MEMO1: variants seen among roughly 807,000 people sequenced by gnomAD.
MEMO1 encodes the protein protein MEMO1.
Under a neutral mutation model 45.2 loss-of-function variants are expected in MEMO1, and 6 were observed. The observed-to-expected ratio is 0.13, with a 90% confidence interval of 0.07 to 0.26. The LOEUF (loss-of-function observed/expected upper bound fraction) is 0.26. MEMO1 is among the 10% of genes least tolerant of loss of function. MEMO1 has a pLI of 1.00. For missense variants in MEMO1, 184 were observed against 370.5 expected, an observed-to-expected ratio of 0.50 and a Z score of 4.13; for synonymous variants, 78 against 124.3, an observed-to-expected ratio of 0.63 and a Z score of 2.48.
At chr2:32,009,365 C>A (rs1572973135) in intron 2 of MEMO1, among the ~76,000 whole-genome samples, 2 of 152,156 alleles carry the variant, frequency 1.3e-5, no homozygotes, top group South Asian at 2.1e-4. Context: ...AGCTGGGAGC[C>A]CCCCCACCCC....
At chr2:32,001,940 G>T (rs1673368557) in intron 2 of MEMO1, among the ~76,000 whole-genome samples, 1 of 151,738 alleles carries the variant, frequency 6.6e-6, no homozygotes, top group South Asian at 2.1e-4. Context: ...AAGGTCAGGA[G>T]ATCAAGACCA....
chr2:31,893,585 G>A (rs1677271594), intron 6 of MEMO1, among the ~76,000 whole-genome samples: 1 of 152,148 alleles, frequency 6.6e-6, no homozygotes, highest in Non-Finnish European at 1.5e-5. Flanking sequence ...AAAGAACAAG[G>A]AGAAACCAGA....
intron 2 of MEMO1, among the ~76,000 whole-genome samples, chr2:31,985,201 A>G (rs1671119336): frequency 6.6e-6 from 1 of 152,224 alleles, no homozygotes. Flanking sequence ...AGAAAATAAG[A>G]GATATGTATT....
intron 2 of MEMO1, among the ~76,000 whole-genome samples, chr2:31,994,696 C>T (rs1232919872): frequency 6.6e-6 from 1 of 152,060 alleles, no homozygotes; most frequent in African/African-American, 2.4e-5. Flanking sequence ...TGCCTATAAT[C>T]CCAGCCTTTG....
chr2:31,911,706 A>G (rs1458493461), intron 6 of MEMO1, among the ~76,000 whole-genome samples: 2 of 152,196 alleles, frequency 1.3e-5, no homozygotes, highest in South Asian at 2.1e-4. Context: ...ATGGATAAAC[A>G]TAACAGATGA....
At chr2:31,962,098 A>C (rs1258256135) in intron 2 of MEMO1, among the ~76,000 whole-genome samples, 1 of 152,126 alleles carries the variant, frequency 6.6e-6, no homozygotes, top group Non-Finnish European at 1.5e-5. Flanking sequence ...TCAGGTTGAT[A>C]CAAAGAATGG....
intron 3 of MEMO1, among the ~76,000 whole-genome samples, chr2:31,936,596 T>C (rs1224600270): frequency 6.6e-6 from 1 of 152,208 alleles, no homozygotes; most frequent in Non-Finnish European, 1.5e-5. Context: ...GAACATTTAC[T>C]GGTTATGTGA....
chr2:31,890,240 T>C (rs1445234054), intron 7 of MEMO1, among the ~76,000 whole-genome samples: 2 of 152,070 alleles, frequency 1.3e-5, no homozygotes, highest in Admixed American at 1.3e-4. Context: ...AAAGCCCAGG[T>C]TCTAAAAAAT....
intron 6 of MEMO1, among the ~76,000 whole-genome samples, chr2:31,911,919 G>T (rs1175940816): frequency 6.6e-6 from 1 of 152,090 alleles, no homozygotes; most frequent in Non-Finnish European, 1.5e-5. Flanking sequence ...GGGATTACAG[G>T]CCTCATGAGC....
chr2:31,983,293 A>T (rs900453494), intron 2 of MEMO1, among the ~76,000 whole-genome samples: 1 of 152,178 alleles, frequency 6.6e-6, no homozygotes, highest in African/African-American at 2.4e-5. Context: ...ATATACATAA[A>T]AATGGATAGA....
intron 6 of MEMO1, among the ~76,000 whole-genome samples, chr2:31,905,580 G>A (rs539768580): frequency 2.9e-4 from 44 of 152,270 alleles, no homozygotes; most frequent in Admixed American, 1.4e-3. Context: ...AACTGGCCAA[G>A]TTTGCTGTCA....
At chr2:31,962,951 G>A (rs1668195280) in intron 2 of MEMO1, among the ~76,000 whole-genome samples, 1 of 152,178 alleles carries the variant, frequency 6.6e-6, no homozygotes, top group South Asian at 2.1e-4. Flanking sequence ...ATCAGTTGAA[G>A]GCCTGCCTAA....
chr2:32,001,225 G>A (rs1010320640), intron 2 of MEMO1, among the ~76,000 whole-genome samples: 1 of 151,590 alleles, frequency 6.6e-6, no homozygotes, highest in African/African-American at 2.4e-5. Context: ...ATTTTTAGTA[G>A]AGACGGGGTT....
Position 31,876,563 on chromosome 2 carries a change from T to C in MEMO1, c.658-6611A>G, listed in dbSNP as rs895005401. 2.1e-4 allele frequency among the ~76,000 whole-genome samples: 32 copies of C among 152,146 alleles called. 1 individual carries two copies. Among genetic ancestry groups the C allele is most frequent in the African/African-American group, 4.3e-4 (18 of 41,420 alleles). On this transcript the variant is annotated intron_variant, in intron 8 of 9. Transcript: ENST00000404530. ...CTCCACCAACACCTCAGGATGTATA[T>C]GTACTCAAAAATAATTGGCAAAATG...
chr2:31,870,112 T>C (rs1370971784), intron 8 of MEMO1, among the ~76,000 whole-genome samples, 160 bp from the exon 9 acceptor site: 1 of 152,100 alleles, frequency 6.6e-6, no homozygotes, highest in Non-Finnish European at 1.5e-5. Context: ...ATCAAACTCA[T>C]TCATCAAAGC....
intron 2 of MEMO1, among the ~76,000 whole-genome samples, chr2:31,962,395 G>T (rs982738122): frequency 6.6e-6 from 1 of 151,954 alleles, no homozygotes; most frequent in Admixed American, 6.6e-5. Flanking sequence ...TGCCAAAAAA[G>T]AAGAAAAGAA....
intron 2 of MEMO1, among the ~76,000 whole-genome samples, chr2:31,954,488 A>G (rs766043020): frequency 1.3e-5 from 2 of 152,234 alleles, no homozygotes; most frequent in African/African-American, 2.4e-5. Context: ...TCTTACTCCT[A>G]TAATAGTCAA....
At chr2:31,961,205 A>C (rs1667969462) in intron 2 of MEMO1, among the ~76,000 whole-genome samples, 1 of 151,984 alleles carries the variant, frequency 6.6e-6, no homozygotes, top group Non-Finnish European at 1.5e-5. Flanking sequence ...TGAAAATACA[A>C]AAATTAGCTG....
At position 31,995,498 on chromosome 2, in the gene MEMO1, T is replaced by G. The variant is rs12471668; in HGVS notation, c.61+14689A>C. Among the ~76,000 whole-genome samples the G allele has an allele frequency of 5.1e-4, 78 of 151,994 alleles. 2 individuals are homozygous for G. Among genetic ancestry groups the G allele is most frequent in the Admixed American group, 4.3e-3 (65 of 15,254 alleles). Reference sequence around the variant, plus strand: ...ATCAAATGGAATATAGAGATGAAAATTATAATATTTGATATAAAAGTTTCA... The same window carrying G: ...ATCAAATGGAATATAGAGATGAAAAGTATAATATTTGATATAAAAGTTTCA... On this transcript the variant is annotated intron_variant, in intron 2 of 9. Transcript: ENST00000404530.
Sources: gnomAD v4.1 joint callset for allele counts (sites outside exome capture counted in the v4.1 genomes callset) on GRCh38, gnomAD v4.1.1 for gene constraint, MANE v1.5 for transcripts, NCBI Gene and HGNC (gene_info 2026-07-23, HGNC 2026-07-21) for gene names.